TOX: variants seen among roughly 807,000 people sequenced by gnomAD.
TOX encodes thymocyte selection associated high mobility group box.
Under a neutral mutation model 53.7 loss-of-function variants are expected in TOX, and 11 were observed. The observed-to-expected ratio is 0.20, with a 90% CI of 0.13 to 0.34. The LOEUF is 0.34. Among genes scored for constraint, TOX ranks in the 10% least tolerant of loss-of-function variants. The pLI, the probability that TOX is intolerant of heterozygous loss-of-function variation, is 1.00. For synonymous variants in TOX, 225 were observed against 245.3 expected, an observed-to-expected ratio of 0.92 and a Z score of 0.77; for missense variants, 570 against 664.6, an observed-to-expected ratio of 0.86 and a Z score of 1.56.
chr8:59,001,256 C>T (rs1435150473), intron 1 of TOX, among the ~76,000 whole-genome samples: 1 of 152,194 alleles, frequency 6.6e-6, no homozygotes, highest in African/African-American at 2.4e-5. Context: ...GATGCTGATA[C>T]ATCAAAGAGG....
intron 1 of TOX, among the ~76,000 whole-genome samples, chr8:58,960,688 A>G (rs1812783759): frequency 6.6e-6 from 1 of 152,246 alleles, no homozygotes; most frequent in Non-Finnish European, 1.5e-5. Context: ...TTTTCAAGTT[A>G]GGAAAAGGAT....
chr8:58,926,860 G>T (rs1812170056), intron 3 of TOX, among the ~76,000 whole-genome samples: 1 of 135,486 alleles, frequency 7.4e-6, no homozygotes, highest in Admixed American at 7.7e-5. Context: ...CTTCCTTGCA[G>T]AAGACTGGTA....
At chr8:59,029,639 A>AT (rs1814315369) in intron 1 of TOX, among the ~76,000 whole-genome samples, 1 of 152,148 alleles carries the variant, frequency 6.6e-6, no homozygotes, top group Admixed American at 6.5e-5. Context: ...AAGGATTAAC[A>AT]TTTTTTAAAA....
At chr8:58,859,744 C>T (rs1239271010) in intron 3 of TOX, among the ~76,000 whole-genome samples, 2 of 152,110 alleles carry the variant, frequency 1.3e-5, no homozygotes, top group East Asian at 1.9e-4. Context: ...CACGAATGGG[C>T]CCCTTATTAC....
At chr8:58,992,416 C>G (rs1207170616) in intron 1 of TOX, among the ~76,000 whole-genome samples, 2 of 152,140 alleles carry the variant, frequency 1.3e-5, no homozygotes, top group African/African-American at 4.8e-5. Flanking sequence ...ATGTCTGCTT[C>G]CTCCTATCCA....
At chr8:59,109,838 A>G (rs1374555490) in intron 1 of TOX, among the ~76,000 whole-genome samples, 1 of 152,158 alleles carries the variant, frequency 6.6e-6, no homozygotes, top group Non-Finnish European at 1.5e-5. Flanking sequence ...GAATCTCAAA[A>G]GGCAGATTGT....
intron 1 of TOX, among the ~76,000 whole-genome samples, chr8:59,083,587 A>C (rs1357388165): frequency 6.6e-6 from 1 of 152,194 alleles, no homozygotes; most frequent in Non-Finnish European, 1.5e-5. Context: ...ATTATATTTT[A>C]TTTCAACAGA....
chr8:59,115,212 C>G (rs1265252731), intron 1 of TOX, among the ~76,000 whole-genome samples: 2 of 151,772 alleles, frequency 1.3e-5, no homozygotes, highest in Non-Finnish European at 2.9e-5. Context: ...CACTGCAGGC[C>G]GAGGTCACCA....
At position 58,808,262 on chromosome 8, in the gene TOX, G is replaced by A. The variant is rs142623680; in HGVS notation, c.1400C>T (p.Thr467Ile). ...LHSPTMQQGF[T>I]LQPDYQTIIN... ...AATAGTCTGATAGTCGGGTTGAAGA[G>A]TAAATCCCTGAAAGGGAAAGCAAGT... The change falls in exon 8 of 9, where the codon ACT becomes ATT. Residue 467 changes from threonine to isoleucine, a missense_variant. This residue lies in a region of TOX where 239 missense variants were observed against 250.7 expected (regional missense o/e 0.95). Coordinates refer to ENST00000361421, the MANE Select transcript of TOX (RefSeq NM_014729.3). 24 of 1,606,712 alleles carry A rather than the reference G, an allele frequency of 1.5e-5. No individual in the cohort carries two copies. Among genetic ancestry groups the A allele is most frequent in the Non-Finnish European group, 2.0e-5 (24 of 1,177,660 alleles).
At chr8:58,988,970 AAAT>A in intron 1 of TOX, among the ~76,000 whole-genome samples, 1 of 152,324 alleles carries the variant, frequency 6.6e-6, no homozygotes, top group East Asian at 1.9e-4. Context: ...AGTATTAATG[AAAT>A]AATAAAATTT....
Position 58,834,344 on chromosome 8 carries a change from C to T in TOX, c.924+3737G>A, listed in dbSNP as rs188242226. Among the ~76,000 whole-genome samples, 164 of 152,280 alleles carry T rather than the reference C, an allele frequency of 1.1e-3. 2 individuals carry two copies. Among genetic ancestry groups the T allele is most frequent in the African/African-American group, 3.1e-3 (130 of 41,562 alleles). ...CCAGCTGCCTACACAATGCCAACAGCATCACATGGTTGGTTCTGTAACATG... is the reference window on the plus strand; with the variant it reads ...CCAGCTGCCTACACAATGCCAACAGTATCACATGGTTGGTTCTGTAACATG... On this transcript the variant is annotated intron_variant, in intron 5 of 8. Coordinates refer to ENST00000361421, the MANE Select transcript of TOX (RefSeq NM_014729.3).
chr8:58,977,508 A>G (rs1813123740), intron 1 of TOX, among the ~76,000 whole-genome samples: 1 of 152,236 alleles, frequency 6.6e-6, no homozygotes, highest in Non-Finnish European at 1.5e-5. Context: ...ATTTCCTTTA[A>G]GGACTTTTCC....
intron 3 of TOX, among the ~76,000 whole-genome samples, chr8:58,883,713 G>T (rs938472960): frequency 1.3e-5 from 2 of 151,614 alleles, no homozygotes; most frequent in Non-Finnish European, 2.9e-5. Flanking sequence ...TATGAACATT[G>T]TTCATTCGTA....
At chr8:58,996,854 TCTGGAATTAG>T (rs1387540166) in intron 1 of TOX, among the ~76,000 whole-genome samples, 2 of 152,240 alleles carry the variant, frequency 1.3e-5, no homozygotes, top group African/African-American at 4.8e-5. Flanking sequence ...CACTGGGTTT[TCTGGAATTAG>T]CTAGGGGTGT....
At chr8:59,067,189 C>T (rs980739630) in intron 1 of TOX, among the ~76,000 whole-genome samples, 1 of 152,096 alleles carries the variant, frequency 6.6e-6, no homozygotes, top group African/African-American at 2.4e-5. Flanking sequence ...TCCTAGAATC[C>T]CTCTTTATTT....
At chr8:58,814,017 T>C (rs1011767433) in intron 7 of TOX, among the ~76,000 whole-genome samples, 2 of 152,192 alleles carry the variant, frequency 1.3e-5, no homozygotes, top group African/African-American at 4.8e-5. Flanking sequence ...CTGCCAAGCC[T>C]CAGTGTCTTC....
chr8:59,030,533 G>A (rs184475616), intron 1 of TOX, among the ~76,000 whole-genome samples: 99 of 152,162 alleles, frequency 6.5e-4, no homozygotes, highest in African/African-American at 2.3e-3. Context: ...TGCTTCTAAC[G>A]TCACTAAGTA....
chr8:59,048,911 G>T (rs1803737160), intron 1 of TOX, among the ~76,000 whole-genome samples: 1 of 152,066 alleles, frequency 6.6e-6, no homozygotes, highest in Non-Finnish European at 1.5e-5. Flanking sequence ...AAGCATAAGA[G>T]ATATTAATAT....
chr8:59,070,884 T>C (rs1029797687), intron 1 of TOX, among the ~76,000 whole-genome samples: 2 of 152,170 alleles, frequency 1.3e-5, no homozygotes, highest in African/African-American at 4.8e-5. Flanking sequence ...AGCTGTCACA[T>C]AATTGCATCC....
Sources: allele counts gnomAD v4.1 joint callset (sites outside exome capture counted in the v4.1 genomes callset), GRCh38; gene constraint gnomAD v4.1.1; regional missense constraint gnomAD v4.1.1; transcripts MANE v1.5; gene names NCBI Gene and HGNC (gene_info 2026-07-23, HGNC 2026-07-21).